Variants in PHTF2 observed in about 807,000 individuals in gnomAD.
PHTF2 encodes putative homeodomain transcription factor 2.
In PHTF2, 60 loss-of-function variants were observed where a neutral mutation model predicts 101.2. The observed-to-expected ratio is 0.59, with a 90% CI of 0.48 to 0.73. PHTF2 has a LOEUF of 0.73. Ranked by LOEUF, PHTF2 falls within the 30% of genes least tolerant of loss-of-function variation. The pLI, the probability that PHTF2 is intolerant of heterozygous loss-of-function variation, is 0.00. For synonymous variants in PHTF2, 311 were observed against 307.3 expected (o/e 1.01, Z -0.13); for missense variants, 747 against 908.7 (o/e 0.82, Z 2.29).
intron 9 of PHTF2, among the ~76,000 whole-genome samples, 185 bp from the exon 9 acceptor site, chr7:77,920,094 G>A (rs1202022901): frequency 2.6e-5 from 4 of 152,012 alleles, no homozygotes; most frequent in Admixed American, 2.0e-4. Context: ...AGCTGAAATA[G>A]GACATTAATT....
intron 1 of PHTF2, among the ~76,000 whole-genome samples, chr7:77,833,104 G>T (rs1432892555): frequency 6.6e-6 from 1 of 152,162 alleles, no homozygotes; most frequent in Non-Finnish European, 1.5e-5. Context: ...CAAAGCCTTG[G>T]ATAAAGGGAG....
intron 1 of PHTF2, among the ~76,000 whole-genome samples, chr7:77,800,781 C>A (rs548978713): frequency 1.1e-4 from 17 of 152,272 alleles, no homozygotes; most frequent in African/African-American, 4.1e-4. Flanking sequence ...ATTATTTAAT[C>A]ATTTTAGTCC....
At chr7:77,823,988 T>C (rs1337445069) in intron 1 of PHTF2, among the ~76,000 whole-genome samples, 2 of 152,216 alleles carry the variant, frequency 1.3e-5, no homozygotes, top group Non-Finnish European at 2.9e-5. Context: ...AGATTGTTAG[T>C]GTAGTCCTGG....
intron 3 of PHTF2, among the ~76,000 whole-genome samples, chr7:77,879,375 C>T (rs1026833857): frequency 6.6e-6 from 1 of 152,092 alleles, no homozygotes; most frequent in Admixed American, 6.6e-5. Context: ...TGGCCAACCC[C>T]TCATGGCTGC....
At chr7:77,884,087 T>C (rs1036479359) in intron 3 of PHTF2, among the ~76,000 whole-genome samples, 12 of 152,290 alleles carry the variant, frequency 7.9e-5, no homozygotes, top group Middle Eastern at 3.4e-3. Context: ...AATCCAGGTA[T>C]CTTAAACAGT....
intron 3 of PHTF2, among the ~76,000 whole-genome samples, chr7:77,869,256 C>T (rs765338011): frequency 6.6e-6 from 1 of 152,124 alleles, no homozygotes; most frequent in Non-Finnish European, 1.5e-5. Flanking sequence ...TTACCTCAAA[C>T]ATTTATCATT....
intron 2 of PHTF2, among the ~76,000 whole-genome samples, chr7:77,841,497 C>G (rs547106819): frequency 6.6e-6 from 1 of 152,276 alleles, no homozygotes; most frequent in South Asian, 2.1e-4. Flanking sequence ...CAGGATCTCA[C>G]TCTGTTGCCC....
At chr7:77,927,157 CAAAAAAAAAAAA>C (rs869210694) in intron 11 of PHTF2, among the ~76,000 whole-genome samples, 2 of 36,524 alleles carry the variant, frequency 5.5e-5, no homozygotes, top group Non-Finnish European at 1.2e-4. Flanking sequence ...GACTCCATCT[CAAAAAAAAAAAA>C]AAAAAAAAAT....
intron 1 of PHTF2, among the ~76,000 whole-genome samples, chr7:77,835,138 G>A (rs1196027200): frequency 6.6e-6 from 1 of 152,018 alleles, no homozygotes; most frequent in Non-Finnish European, 1.5e-5. Flanking sequence ...GCCAGGCGTG[G>A]TGGTGGGCGC....
At chr7:77,819,421 T>C (rs537778173) in intron 1 of PHTF2, among the ~76,000 whole-genome samples, 2 of 152,344 alleles carry the variant, frequency 1.3e-5, no homozygotes, top group African/African-American at 4.8e-5. Context: ...CTATCCCTAA[T>C]TTGAGAGGTT....
At chr7:77,950,925 A>T (rs1806481387) in intron 17 of PHTF2, among the ~76,000 whole-genome samples, 1 of 152,178 alleles carries the variant, frequency 6.6e-6, no homozygotes, top group South Asian at 2.1e-4. Flanking sequence ...CAGTATATTG[A>T]CTAGCTTTGG....
intron 11 of PHTF2, chr7:77,924,262 G>T (rs1439397787): frequency 4.7e-6 from 2 of 426,016 alleles, no homozygotes; most frequent in Non-Finnish European, 6.3e-6. Context: ...CCAATTGCTA[G>T]TAATGTTTTT....
chr7:77,899,234 C>CA (rs1470725568), intron 5 of PHTF2, among the ~76,000 whole-genome samples: 2 of 152,022 alleles, frequency 1.3e-5, no homozygotes, highest in Non-Finnish European at 2.9e-5. Context: ...ACAAAAAGCA[C>CA]AAAAATGTGA....
At chr7:77,927,697 T>G (rs17159512) in intron 11 of PHTF2, among the ~76,000 whole-genome samples, 16,913 of 152,222 alleles carry the variant, frequency 0.11, 1,367 homozygotes, top group African/African-American at 0.22. Flanking sequence ...CAGGTTTGTA[T>G]TCAAAGTTCC....
At chr7:77,812,124 A>AG (rs1386192521) in intron 1 of PHTF2, among the ~76,000 whole-genome samples, 1 of 152,212 alleles carries the variant, frequency 6.6e-6, no homozygotes, top group African/African-American at 2.4e-5. Context: ...CTGGATGGTG[A>AG]GGGGCCTGGA....
chr7:77,833,998 A>G (rs955548653), intron 1 of PHTF2, among the ~76,000 whole-genome samples: 2 of 152,286 alleles, frequency 1.3e-5, no homozygotes, highest in East Asian at 1.9e-4. Context: ...AAGCTGGAGC[A>G]AAATTAATAC....
intron 7 of PHTF2, 37 bp from the exon 7 acceptor site, chr7:77,908,756 A>G (rs777285593): frequency 1.5e-6 from 2 of 1,369,898 alleles, no homozygotes; most frequent in Non-Finnish European, 2.0e-6. Context: ...TGACTATCAG[A>G]TCTATAATTA....
At chr7:77,932,049 T>C in intron 12 of PHTF2, among the ~76,000 whole-genome samples, 1 of 152,042 alleles carries the variant, frequency 6.6e-6, no homozygotes, top group East Asian at 1.9e-4. Context: ...AGCAGTGAGC[T>C]GAGATGGCGC....
Position 77,932,617 on chromosome 7 carries a change from AGAGAGTGT to A in PHTF2, c.1338+3292_1338+3299del, listed in dbSNP as rs1242258222. ...GAGAGAGAGAAAGAGAGAGAGAGAG[AGAGAGTGT>A]GTGTGTGTGTGTGTGTGTGTGTGTG... On this transcript the variant is annotated intron_variant, in intron 12 of 19. Coordinates refer to ENST00000416283, the Ensembl canonical transcript of PHTF2. Among the ~76,000 whole-genome samples the A allele has an allele frequency of 2.0e-3, 248 of 124,946 alleles. 2 individuals carry two copies. Among genetic ancestry groups the A allele is most frequent in the Middle Eastern group, 0.012 (3 of 242 alleles). The allele number at this position is 124,946 out of a possible 152,430, so 82.0% of individuals were successfully genotyped here. A position where few individuals can be genotyped will look rare whatever the true frequency, so the allele number is the denominator to read the frequency against.
Sources: gnomAD v4.1 joint callset for allele counts (sites outside exome capture counted in the v4.1 genomes callset) on GRCh38, gnomAD v4.1.1 for gene constraint, MANE v1.5 for transcripts, NCBI Gene and HGNC (gene_info 2026-07-23, HGNC 2026-07-21) for gene names.